WWC1: variants seen among roughly 807,000 people sequenced by gnomAD.
WWC1 encodes WW and C2 domain containing 1, also known as protein KIBRA.
Under a neutral mutation model 138.4 loss-of-function variants are expected in WWC1, and 55 were observed. The observed-to-expected ratio is 0.40, with a 90% CI of 0.32 to 0.50. WWC1 has a LOEUF of 0.50. WWC1 is among the 20% of genes least tolerant of loss of function. WWC1 has a pLI of 0.72. For missense variants in WWC1, 1,226 were observed against 1,420.4 expected (o/e 0.86, Z 2.20); for synonymous variants, 524 against 564.9 (o/e 0.93, Z 1.03).
intron 1 of WWC1, among the ~76,000 whole-genome samples, chr5:168,356,883 A>C (rs1467089201): frequency 6.6e-6 from 1 of 152,154 alleles, no homozygotes; most frequent in Non-Finnish European, 1.5e-5. Flanking sequence ...CAGTGGGCCA[A>C]GGCTCAGGTG....
At chr5:168,296,861 A>G (rs1393462962) in intron 1 of WWC1, among the ~76,000 whole-genome samples, 2 of 152,194 alleles carry the variant, frequency 1.3e-5, no homozygotes, top group Non-Finnish European at 2.9e-5. Flanking sequence ...TTAGCTGCAG[A>G]ATCAAGACCA....
intron 21 of WWC1, 38 bp from the exon 22 acceptor site, chr5:168,467,802 C>T (rs750216294): frequency 1.2e-6 from 2 of 1,613,608 alleles, no homozygotes; most frequent in South Asian, 2.2e-5. Flanking sequence ...TTCTGGAGGC[C>T]CCCTCCACTG....
chr5:168,354,944 C>T (rs139543716), intron 1 of WWC1, among the ~76,000 whole-genome samples: 40 of 152,256 alleles, frequency 2.6e-4, no homozygotes, highest in Non-Finnish European at 3.8e-4. Flanking sequence ...AGACCAAAAA[C>T]GCCCCCAAAG....
At chr5:168,441,181 A>G (rs1031419816) in intron 15 of WWC1, among the ~76,000 whole-genome samples, 26 of 152,230 alleles carry the variant, frequency 1.7e-4, no homozygotes, top group Non-Finnish European at 2.6e-4. Flanking sequence ...GACAAATGCT[A>G]TATGATTCCA....
chr5:168,380,031 G>A (rs911153866), intron 2 of WWC1, among the ~76,000 whole-genome samples: 5 of 152,164 alleles, frequency 3.3e-5, no homozygotes, highest in African/African-American at 1.2e-4. Flanking sequence ...TAAAATCTTT[G>A]TTCCTCAAAA....
chr5:168,448,279 G>A (rs1400386119), intron 17 of WWC1, among the ~76,000 whole-genome samples: 1 of 152,168 alleles, frequency 6.6e-6, no homozygotes, highest in Non-Finnish European at 1.5e-5. Flanking sequence ...GTCTCCAAAA[G>A]GCTGTCCGTC....
intron 1 of WWC1, among the ~76,000 whole-genome samples, chr5:168,360,354 G>T (rs1322570295): frequency 6.6e-6 from 1 of 152,140 alleles, no homozygotes; most frequent in Non-Finnish European, 1.5e-5. Context: ...ATGAAATTTT[G>T]CTTTTATTAT....
At chr5:168,318,370 G>A (rs930726578) in intron 1 of WWC1, among the ~76,000 whole-genome samples, 3 of 151,930 alleles carry the variant, frequency 2.0e-5, no homozygotes, top group East Asian at 1.9e-4. Flanking sequence ...AACCATTTCC[G>A]ATGTACAGCT....
At chr5:168,368,055 C>T (rs1776451923) in intron 1 of WWC1, among the ~76,000 whole-genome samples, 1 of 150,638 alleles carries the variant, frequency 6.6e-6, no homozygotes, top group Admixed American at 6.6e-5. Context: ...ATATTGAGAG[C>T]ATCTTTCATG....
At chr5:168,404,150 T>G (rs987170859) in intron 5 of WWC1, among the ~76,000 whole-genome samples, 4 of 152,190 alleles carry the variant, frequency 2.6e-5, no homozygotes, top group Non-Finnish European at 5.9e-5. Context: ...TTCGAAGCCC[T>G]TCTTGCCCTG....
intron 5 of WWC1, 64 bp downstream of exon 5, chr5:168,399,631 C>T: frequency 6.8e-7 from 1 of 1,461,196 alleles, no homozygotes; most frequent in East Asian, 2.3e-5. Flanking sequence ...CTCCTGTCCT[C>T]TCTGTCTCTC....
At chr5:168,323,554 T>C (rs1001069576) in intron 1 of WWC1, among the ~76,000 whole-genome samples, 6 of 150,030 alleles carry the variant, frequency 4.0e-5, no homozygotes, top group Non-Finnish European at 8.9e-5. Flanking sequence ...CTGTCTAAAA[T>C]AAAATAAAAA....
At chr5:168,365,895 T>C (rs1004102612) in intron 1 of WWC1, among the ~76,000 whole-genome samples, 5 of 152,194 alleles carry the variant, frequency 3.3e-5, no homozygotes, top group African/African-American at 1.2e-4. Flanking sequence ...GATTTCACAA[T>C]TGGGGTTTTC....
intron 1 of WWC1, among the ~76,000 whole-genome samples, chr5:168,352,501 C>G (rs992338040): frequency 3.3e-5 from 5 of 152,074 alleles, no homozygotes; most frequent in Admixed American, 1.3e-4. Context: ...CCAGCTCTGC[C>G]ACCTTCCAGC....
rs1288176317 is a variant in WWC1, at chr5:168,469,218, C to CA, written c.*206dup. ...AACAAAAACAAAACACACACACACA[C>CA]AAAAACAGAAACAAAAAAAACCAGC... On this transcript the variant is annotated 3_prime_UTR_variant, in exon 23 of 23. Transcript: ENST00000265293. 5 of 537,790 alleles carry CA rather than the reference C, an allele frequency of 9.3e-6. No homozygotes were observed. In the African/African-American group the frequency reaches 9.5e-5, roughly 10 times the overall value. The allele number at this position is 537,790 out of a possible 1,614,324, so 33.3% of individuals were successfully genotyped here.
At chr5:168,439,089 G>A (rs900654645) in intron 15 of WWC1, among the ~76,000 whole-genome samples, 4 of 152,000 alleles carry the variant, frequency 2.6e-5, no homozygotes, top group South Asian at 4.1e-4. Flanking sequence ...CAAGCATGGT[G>A]CAATATGTAG....
intron 19 of WWC1, among the ~76,000 whole-genome samples, 187 bp from the exon 20 acceptor site, chr5:168,460,463 A>C (rs1276914226): frequency 6.6e-6 from 1 of 152,268 alleles, no homozygotes. Flanking sequence ...AGTATGCATC[A>C]TGCATAGTAC....
At chr5:168,448,192 A>C (rs908953010) in intron 17 of WWC1, among the ~76,000 whole-genome samples, 2 of 152,136 alleles carry the variant, frequency 1.3e-5, no homozygotes, top group African/African-American at 4.8e-5. Flanking sequence ...CCCTCCCCCA[A>C]GACTGGAAGC....
At chr5:168,308,670 A>C (rs1299406904) in intron 1 of WWC1, among the ~76,000 whole-genome samples, 1 of 152,166 alleles carries the variant, frequency 6.6e-6, no homozygotes, top group Non-Finnish European at 1.5e-5. Flanking sequence ...GGTGGAACCC[A>C]GACTCCACAT....
Sources: allele counts gnomAD v4.1 joint callset (sites outside exome capture counted in the v4.1 genomes callset), GRCh38; gene constraint gnomAD v4.1.1; transcripts MANE v1.5; gene names NCBI Gene and HGNC (gene_info 2026-07-23, HGNC 2026-07-21).